ADAM22: variants seen among roughly 807,000 people sequenced by gnomAD.
ADAM22 encodes disintegrin and metalloproteinase domain-containing protein 22.
ADAM22 carries 65 observed loss-of-function variants against 144.6 expected under a neutral mutation model. That is an observed-to-expected ratio of 0.45 (90% confidence interval 0.37 to 0.55). The LOEUF is 0.55. Ranked by LOEUF, ADAM22 falls within the 20% of genes least tolerant of loss-of-function variation. The pLI is 0.00. For missense variants in ADAM22, 974 were observed against 1,184.9 expected, an observed-to-expected ratio of 0.82 and a Z score of 2.61; for synonymous variants, 391 against 412.6, an observed-to-expected ratio of 0.95 and a Z score of 0.63.
At chr7:87,955,464 C>T (rs951620609) in intron 2 of ADAM22, among the ~76,000 whole-genome samples, 2 of 152,144 alleles carry the variant, frequency 1.3e-5, no homozygotes, top group African/African-American at 4.8e-5. Flanking sequence ...TTGTGATCCG[C>T]AAGTGCTGCT....
chr7:87,949,024 G>C (rs1050498387), intron 2 of ADAM22, among the ~76,000 whole-genome samples: 6 of 152,216 alleles, frequency 3.9e-5, no homozygotes, highest in South Asian at 2.1e-4. Flanking sequence ...AGTTCCAAGA[G>C]TTACAATATT....
At chr7:88,053,272 C>A (rs1201120924) in intron 3 of ADAM22, among the ~76,000 whole-genome samples, 1 of 151,772 alleles carries the variant, frequency 6.6e-6, no homozygotes, top group African/African-American at 2.4e-5. Context: ...TGGAGACCAG[C>A]TTGGGCAACA....
intron 11 of ADAM22, 94 bp from the exon 12 acceptor site, chr7:88,132,773 G>A (rs879453264): frequency 1.0e-6 from 1 of 975,026 alleles, no homozygotes; most frequent in Non-Finnish European, 1.6e-6. Flanking sequence ...GAAATCTTAT[G>A]TATAGAGAAA....
At chr7:87,974,507 G>A (rs1851415381) in intron 2 of ADAM22, among the ~76,000 whole-genome samples, 1 of 152,116 alleles carries the variant, frequency 6.6e-6, no homozygotes, top group Non-Finnish European at 1.5e-5. Flanking sequence ...TTTTGGGTTT[G>A]ATCCTTGAGG....
chr7:88,014,464 TG>T (rs1796118665), intron 3 of ADAM22, among the ~76,000 whole-genome samples: 1 of 152,222 alleles, frequency 6.6e-6, no homozygotes, highest in African/African-American at 2.4e-5. Context: ...TACTTTTGAC[TG>T]GGTGAAGTGG....
Position 88,039,288 on chromosome 7 carries a change from A to G in ADAM22, c.324-36338A>G, listed in dbSNP as rs866512507. 1.0e-3 allele frequency among the ~76,000 whole-genome samples: 152 copies of G among 150,502 alleles called. 1 individual carries two copies. In the Middle Eastern group the frequency reaches 0.021, roughly 20 times the overall value. On this transcript the variant is annotated intron_variant, in intron 3 of 31. Transcript: ENST00000413139. ...GAAACCCCATCTCTACTAAAAATAC[A>G]AAAAATTAGCCAGACATGGTGGCAC...
intron 14 of ADAM22, among the ~76,000 whole-genome samples, chr7:88,142,754 C>T (rs897904413): frequency 2.0e-5 from 3 of 151,642 alleles, no homozygotes; most frequent in Non-Finnish European, 2.9e-5. Flanking sequence ...AGGAGAATGG[C>T]GTGAACCCGG....
intron 3 of ADAM22, among the ~76,000 whole-genome samples, chr7:88,071,267 T>C (rs950617296): frequency 2.0e-5 from 3 of 152,036 alleles, no homozygotes; most frequent in Non-Finnish European, 2.9e-5. Context: ...AACAGTGAGA[T>C]AGAGTTCTAG....
intron 5 of ADAM22, among the ~76,000 whole-genome samples, chr7:88,113,899 A>C (rs1180495181): frequency 6.6e-6 from 1 of 150,716 alleles, no homozygotes; most frequent in South Asian, 2.1e-4. Context: ...GCAGGTTGCA[A>C]ATGGGCAGTT....
At chr7:88,040,952 T>G (rs1470347053) in intron 3 of ADAM22, among the ~76,000 whole-genome samples, 2 of 152,036 alleles carry the variant, frequency 1.3e-5, no homozygotes, top group African/African-American at 4.8e-5. Context: ...AAGGTCACTC[T>G]CAGATCTTGT....
chr7:88,178,890 G>C, intron 26 of ADAM22, 45 bp from the exon 27 acceptor site: 1 of 1,258,868 alleles, frequency 7.9e-7, no homozygotes, highest in East Asian at 2.4e-5. Flanking sequence ...CTGTGTTCAT[G>C]TGTGTGTCTT....
chr7:88,162,612 T>G (rs1841994783), intron 22 of ADAM22, among the ~76,000 whole-genome samples: 1 of 151,700 alleles, frequency 6.6e-6, no homozygotes, highest in Non-Finnish European at 1.5e-5. Context: ...TATGCAGGTT[T>G]GCTATATTGA....
chr7:88,012,632 G>T (rs943694132), intron 3 of ADAM22, among the ~76,000 whole-genome samples: 1 of 152,150 alleles, frequency 6.6e-6, no homozygotes, highest in South Asian at 2.1e-4. Flanking sequence ...AGCCCTTTCA[G>T]CTGTAACCCG....
At chr7:88,122,644 A>C (rs569401599) in intron 7 of ADAM22, among the ~76,000 whole-genome samples, 2 of 152,310 alleles carry the variant, frequency 1.3e-5, no homozygotes, top group South Asian at 4.1e-4. Flanking sequence ...AATTTCTCTT[A>C]GTCCTTCTGT....
chr7:87,937,815 T>C (rs538713212), intron 2 of ADAM22, among the ~76,000 whole-genome samples: 1 of 152,308 alleles, frequency 6.6e-6, no homozygotes, highest in South Asian at 2.1e-4. Flanking sequence ...TTAATTCAAG[T>C]CAGAAATGAA....
rs1850851361 is a variant in ADAM22, at chr7:88,197,926, T to C, written c.*1435T>C. On this transcript the variant is annotated 3_prime_UTR_variant, in exon 32 of 32. Coordinates refer to ENST00000413139, the MANE Select transcript of ADAM22 (RefSeq NM_001324418.2). ...CTTTGAAACATATATTTTTAATCCA[T>C]AGGAAAATAAGATTCTATTTTAAAA... 2 of 152,176 alleles carry C rather than the reference T, an allele frequency of 1.3e-5. No homozygotes were observed. Among genetic ancestry groups the C allele is most frequent in the South Asian group, 4.1e-4 (2 of 4,824 alleles). 9.4% of individuals were successfully genotyped at this position (152,176 alleles called of 1,614,324 possible).
At chr7:88,080,654 G>A (rs946042590) in intron 4 of ADAM22, among the ~76,000 whole-genome samples, 2 of 152,036 alleles carry the variant, frequency 1.3e-5, no homozygotes, top group Non-Finnish European at 2.9e-5. Flanking sequence ...AATAAAAAAT[G>A]ACAAAGGTGA....
At chr7:88,192,195 G>T (rs181864371) in intron 30 of ADAM22, among the ~76,000 whole-genome samples, 1 of 152,278 alleles carries the variant, frequency 6.6e-6, no homozygotes, top group East Asian at 1.9e-4. Flanking sequence ...CCAGTTCAAT[G>T]TGGGTTTTTA....
At chr7:88,119,984 T>C (rs1440465677) in intron 7 of ADAM22, among the ~76,000 whole-genome samples, 2 of 152,186 alleles carry the variant, frequency 1.3e-5, no homozygotes, top group East Asian at 1.9e-4. Context: ...ATGTTGACAG[T>C]GTCCTCAAAC....
Sources: gnomAD v4.1 joint callset for allele counts (sites outside exome capture counted in the v4.1 genomes callset) on GRCh38, gnomAD v4.1.1 for gene constraint, MANE v1.5 for transcripts, NCBI Gene and HGNC (gene_info 2026-07-23, HGNC 2026-07-21) for gene names.